Variants in ETNK2 observed in about 807,000 individuals in gnomAD.
ETNK2 encodes the protein ethanolamine kinase 2, also known as ethanolamine kinase-like protein.
ETNK2 carries 33 observed loss-of-function variants against 46.2 expected under a neutral mutation model. The ratio of observed to expected loss-of-function variants is 0.71; its 90% CI spans 0.54 to 0.96. ETNK2 has a LOEUF of 0.96. Ranked by LOEUF, ETNK2 falls within the 40% of genes least tolerant of loss-of-function variation. ETNK2 has a pLI of 0.00. For synonymous variants in ETNK2, 194 were observed against 209.0 expected (o/e 0.93, Z 0.62); for missense variants, 445 against 509.7 (o/e 0.87, Z 1.22).
Position 204,151,985 on chromosome 1 carries a change from G to C in ETNK2, c.-133C>G. 1.0e-6 allele frequency: 1 copy of C among 970,942 alleles called. No homozygotes were observed. The highest frequency in any genetic ancestry group is 1.3e-6 in the Non-Finnish European group (1 of 746,596). The allele number at this position is 970,942 out of a possible 1,614,324, so 60.1% of individuals were successfully genotyped here. A position where few individuals can be genotyped will look rare whatever the true frequency, so the allele number is the denominator to read the frequency against. On this transcript the variant is annotated 5_prime_UTR_variant, in exon 1 of 8. Transcript: ENST00000367202. The surrounding 1 kb of genome is among the most constrained non-coding windows in gnomAD (Gnocchi z 8.0). ...CAGGCGCGAGCTGCCCGCTTCGATC[G>C]CCGGCTCGCGGCCCGCCGCCCACCG...
intron 2 of ETNK2, chr1:204,147,086 C>A: frequency 2.1e-6 from 1 of 475,110 alleles, no homozygotes; most frequent in Non-Finnish European, 4.1e-6. Context: ...GTACCCATAG[C>A]AACTCCTGAG....
At chr1:204,132,387 C>T (rs1295756969) in intron 7 of ETNK2, 131 bp from the exon 8 acceptor site, 3 of 671,240 alleles carry the variant, frequency 4.5e-6, no homozygotes, top group African/African-American at 1.8e-5. Flanking sequence ...TCAACCCCAA[C>T]CCAGACTGAT....
chr1:204,139,566 G>GACTCTAC (rs767823596), intron 5 of ETNK2, among the ~76,000 whole-genome samples: 66 of 152,286 alleles, frequency 4.3e-4, no homozygotes, highest in Admixed American at 9.8e-4. Flanking sequence ...GAGCTATCTA[G>GACTCTAC]CCTCTACCCT....
At chr1:204,147,313 T>A in intron 2 of ETNK2, 2 of 426,060 alleles carry the variant, frequency 4.7e-6, no homozygotes, top group Non-Finnish European at 9.6e-6. Flanking sequence ...CTATAGGGAG[T>A]TGATGCTGGC....
At chr1:204,143,174 T>G (rs1657627594) in intron 3 of ETNK2, among the ~76,000 whole-genome samples, 1 of 151,828 alleles carries the variant, frequency 6.6e-6, no homozygotes. Flanking sequence ...CAGGTCTGCG[T>G]AAGATGTGTT....
chr1:204,151,384 G>A lies in ETNK2; in HGVS notation c.258+211C>T. 1.5e-6 allele frequency: 1 copy of A among 686,006 alleles called. No homozygotes were observed. The highest frequency in any genetic ancestry group is 2.3e-6 in the Non-Finnish European group (1 of 432,504). 42.5% of individuals were successfully genotyped at this position (686,006 alleles called of 1,614,324 possible). On this transcript the variant is annotated intron_variant, in intron 1 of 7. Transcript: ENST00000367202. The surrounding 1 kb of genome is among the most constrained non-coding windows in gnomAD (Gnocchi z 8.0). ...CCAGGCGTGCCTAAGAGCCCCGGGA[G>A]GAGGGGGGCGTGTGCAGGGCCAAGG... is the stretch of plus-strand genomic sequence containing the variant.
At chr1:204,138,123 C>T (rs1417903777) in intron 5 of ETNK2, among the ~76,000 whole-genome samples, 1 of 152,182 alleles carries the variant, frequency 6.6e-6, no homozygotes, top group Non-Finnish European at 1.5e-5. Context: ...AAAGAATCTC[C>T]TGGAACAGAT....
intron 3 of ETNK2, chr1:204,142,258 T>C (rs1008676307): frequency 1.3e-5 from 2 of 152,240 alleles, no homozygotes; most frequent in African/African-American, 2.4e-5. Flanking sequence ...CCTTGAGTTA[T>C]GAGTAAGTGT....
rs1657230282 is a variant in ETNK2 at position 204,135,054 on chromosome 1, T to TGATG, written c.1015-470_1015-467dup. On this transcript the variant is annotated intron_variant, in intron 6 of 7. Transcript: ENST00000367202. The stretch of plus-strand genomic sequence containing the variant: ...TCAGGAAGGTGCAGGGAAGGAAGAG[T>TGATG]GATGGGCAGCAGTGCCCTGGCCACG... Among the ~76,000 whole-genome samples, 4 of 151,374 alleles carry TGATG rather than the reference T, an allele frequency of 2.6e-5. No homozygotes were observed. The South Asian group carries it at 8.3e-4, about 32-fold the overall frequency.
At chr1:204,132,528 G>T (rs1657115070) in intron 7 of ETNK2, among the ~76,000 whole-genome samples, 1 of 152,052 alleles carries the variant, frequency 6.6e-6, no homozygotes, top group Admixed American at 6.6e-5. Flanking sequence ...CTGCCTCCCG[G>T]GCTCTGATGA....
chr1:204,133,672 C>T (rs1023239927), intron 7 of ETNK2, among the ~76,000 whole-genome samples: 16 of 151,934 alleles, frequency 1.1e-4, no homozygotes, highest in African/African-American at 3.9e-4. Flanking sequence ...GCTGGGACTA[C>T]AGGCGCCCGC....
At chr1:204,132,970 T>A (rs1657129563) in intron 7 of ETNK2, among the ~76,000 whole-genome samples, 1 of 152,186 alleles carries the variant, frequency 6.6e-6, no homozygotes, top group Non-Finnish European at 1.5e-5. Context: ...TTCTACTTGG[T>A]TTCTATGGAT....
intron 7 of ETNK2, among the ~76,000 whole-genome samples, chr1:204,133,503 AT>A (rs1465344892): frequency 2.0e-5 from 3 of 148,138 alleles, no homozygotes; most frequent in Non-Finnish European, 3.0e-5. Context: ...ATTAAATTTT[AT>A]TTTTTTATCA....
At chr1:204,143,240 T>C (rs559648724) in intron 3 of ETNK2, among the ~76,000 whole-genome samples, 64 of 152,142 alleles carry the variant, frequency 4.2e-4, no homozygotes, top group African/African-American at 1.3e-3. Flanking sequence ...TTTTTTTTCT[T>C]GGACTGAGAC....
rs949917574 is a variant in ETNK2 at position 204,148,516 on chromosome 1, A to G, written c.518+1187T>C. Among the ~76,000 whole-genome samples, 10 of 151,360 alleles carry G rather than the reference A, an allele frequency of 6.6e-5. No individual in the cohort carries two copies. The East Asian group carries it at 1.4e-3, about 21-fold the overall frequency. ...GTCTGGGTCCTTTTGGAACTGTTCA[A>G]CTGGAGCCTGCAAACATCCCTGCAT... On this transcript the variant is annotated intron_variant, in intron 2 of 7. Coordinates refer to ENST00000367202, the MANE Select transcript of ETNK2 (RefSeq NM_018208.4).
In ETNK2 at chr1:204,131,122, T is replaced by C. The variant is rs1004816652; in HGVS notation, c.*1062A>G. On this transcript the variant is annotated 3_prime_UTR_variant, in exon 8 of 8. Coordinates refer to ENST00000367202, the MANE Select transcript of ETNK2 (RefSeq NM_018208.4). The surrounding 1 kb of genome is among the most constrained non-coding windows in gnomAD (Gnocchi z 4.3). Reference sequence around the variant, plus strand: ...ATGATAATTTACAAATGAATCACTTTCTGGGCCAGAGCCAGGAAGGCCCCA... The same window carrying C: ...ATGATAATTTACAAATGAATCACTTCCTGGGCCAGAGCCAGGAAGGCCCCA... 1.3e-5 allele frequency: 2 copies of C among 152,728 alleles called. No individual in the cohort carries two copies. Among genetic ancestry groups the C allele is most frequent in the African/African-American group, 4.8e-5 (2 of 41,460 alleles). 9.5% of individuals were successfully genotyped at this position (152,728 alleles called of 1,614,324 possible).
chr1:204,132,150 A>G lies in ETNK2; in HGVS notation c.*34T>C. 1 of 1,531,304 alleles carries G rather than the reference A, an allele frequency of 6.5e-7. No individual in the cohort carries two copies. The highest frequency in any genetic ancestry group is 1.2e-5 in the South Asian group (1 of 83,808). The allele number at this position is 1,531,304 out of a possible 1,614,324, so 94.9% of individuals were successfully genotyped here. On this transcript the variant is annotated 3_prime_UTR_variant, in exon 8 of 8. Transcript: ENST00000367202. ...TGAGCTCTGGAGAACAGGTCTGGCCAGACAGATGGGTAGGGGAGGGATGGG... is the reference window on the plus strand; with the variant it reads ...TGAGCTCTGGAGAACAGGTCTGGCCGGACAGATGGGTAGGGGAGGGATGGG...
At chr1:204,135,772 CAG>C (rs1467856534) in intron 6 of ETNK2, among the ~76,000 whole-genome samples, 2 of 152,336 alleles carry the variant, frequency 1.3e-5, no homozygotes, top group Admixed American at 1.3e-4. Flanking sequence ...GTGAGGAAAA[CAG>C]AATAGGGAAT....
intron 3 of ETNK2, chr1:204,143,057 G>C (rs1247400578): frequency 6.6e-6 from 1 of 152,040 alleles, no homozygotes; most frequent in Admixed American, 6.5e-5. Context: ...GAAGGCCTGG[G>C]TGCCCCTCAG....
Sources: allele counts gnomAD v4.1 joint callset (sites outside exome capture counted in the v4.1 genomes callset), GRCh38; gene constraint gnomAD v4.1.1; non-coding constraint Gnocchi (gnomAD v3.1); transcripts MANE v1.5; gene names NCBI Gene and HGNC (gene_info 2026-07-23, HGNC 2026-07-21).